PCED1B: variants seen among roughly 807,000 people sequenced by gnomAD.
PCED1B encodes PC-esterase domain-containing protein 1B.
For missense variants in PCED1B, 573 were observed against 573.9 expected, an observed-to-expected ratio of 1.00 and a Z score of 0.02; for synonymous variants, 251 against 246.1, an observed-to-expected ratio of 1.02 and a Z score of -0.19.
At chr12:47,194,839 A>G (rs886377387) in intron 2 of PCED1B, among the ~76,000 whole-genome samples, 11 of 152,204 alleles carry the variant, frequency 7.2e-5, no homozygotes, top group African/African-American at 2.7e-4. Context: ...AGTAAATGGC[A>G]TTGTTGTGTT....
At chr12:47,161,289 T>A (rs1941368524) in intron 2 of PCED1B, among the ~76,000 whole-genome samples, 1 of 152,234 alleles carries the variant, frequency 6.6e-6, no homozygotes, top group South Asian at 2.1e-4. Flanking sequence ...TTCTTTTGTA[T>A]GTGAATATCC....
chr12:47,143,268 G>T (rs1170002589), intron 2 of PCED1B, among the ~76,000 whole-genome samples: 2 of 152,050 alleles, frequency 1.3e-5, no homozygotes, highest in Non-Finnish European at 2.9e-5. Flanking sequence ...AATGATAAAA[G>T]GTAAGTTGTT....
intron 2 of PCED1B, among the ~76,000 whole-genome samples, chr12:47,176,036 A>G (rs1318494934): frequency 6.6e-6 from 1 of 151,462 alleles, no homozygotes; most frequent in Admixed American, 6.6e-5. Context: ...TGCTCCTTTT[A>G]ATACTGGCAT....
At chr12:47,228,038 C>CTTTT (rs35458566) in intron 3 of PCED1B, among the ~76,000 whole-genome samples, 3 of 143,486 alleles carry the variant, frequency 2.1e-5, no homozygotes, top group Admixed American at 6.9e-5. Flanking sequence ...TTTTCTTTTC[C>CTTTT]TTTTTTTTTT....
At chr12:47,194,580 A>G (rs561891837) in intron 2 of PCED1B, among the ~76,000 whole-genome samples, 49 of 152,336 alleles carry the variant, frequency 3.2e-4, no homozygotes, top group African/African-American at 8.4e-4. Context: ...AAAGAAAATC[A>G]ATCATTTTTG....
intron 3 of PCED1B, among the ~76,000 whole-genome samples, chr12:47,225,646 G>A (rs1943611951): frequency 6.6e-6 from 1 of 152,152 alleles, no homozygotes; most frequent in Non-Finnish European, 1.5e-5. Context: ...ATCTTGGAAA[G>A]TTCAAACTAT....
At chr12:47,147,271 C>A (rs1282346352) in intron 2 of PCED1B, among the ~76,000 whole-genome samples, 1 of 152,116 alleles carries the variant, frequency 6.6e-6, no homozygotes, top group Non-Finnish European at 1.5e-5. Flanking sequence ...CTTGCCTCGG[C>A]CTCCCAAAGT....
intron 2 of PCED1B, among the ~76,000 whole-genome samples, chr12:47,108,263 T>C (rs7960818): frequency 0.87 from 132,121 of 152,174 alleles, 57,878 homozygotes; most frequent in East Asian, 0.95. Context: ...GAAAGTAGCC[T>C]GAGTGCTGAT....
At chr12:47,124,307 A>G (rs1472672935) in intron 2 of PCED1B, among the ~76,000 whole-genome samples, 1 of 152,014 alleles carries the variant, frequency 6.6e-6, no homozygotes, top group Non-Finnish European at 1.5e-5. Flanking sequence ...TTCACTCAGC[A>G]TAATTACTTT....
intron 2 of PCED1B, among the ~76,000 whole-genome samples, chr12:47,188,607 C>CT (rs1942349911): frequency 6.6e-6 from 1 of 152,130 alleles, no homozygotes; most frequent in African/African-American, 2.4e-5. Context: ...CAATGTGTAC[C>CT]TGAACATCCA....
chr12:47,105,360 C>T (rs953139840), intron 2 of PCED1B, among the ~76,000 whole-genome samples: 2 of 152,038 alleles, frequency 1.3e-5, no homozygotes, highest in Non-Finnish European at 2.9e-5. Context: ...TAAAGCTGCT[C>T]AGAGAGACAC....
At chr12:47,219,028 C>CTATATA (rs1943391415) in intron 3 of PCED1B, among the ~76,000 whole-genome samples, 1 of 152,088 alleles carries the variant, frequency 6.6e-6, no homozygotes, top group African/African-American at 2.4e-5. Context: ...GTGATCCCAG[C>CTATATA]TATTCCGGAG....
intron 2 of PCED1B, among the ~76,000 whole-genome samples, chr12:47,127,518 G>T (rs1939940752): frequency 7.1e-6 from 1 of 141,744 alleles, no homozygotes; most frequent in Non-Finnish European, 1.5e-5. Context: ...ACAGGCATGT[G>T]CCACCCGGTT....
chr12:47,109,694 T>C (rs912329754), intron 2 of PCED1B, among the ~76,000 whole-genome samples: 2 of 152,170 alleles, frequency 1.3e-5, no homozygotes, highest in African/African-American at 4.8e-5. Flanking sequence ...CATTGAAAAC[T>C]AGTTATGTGC....
At chr12:47,105,168 C>T (rs946101658) in intron 2 of PCED1B, among the ~76,000 whole-genome samples, 1 of 152,058 alleles carries the variant, frequency 6.6e-6, no homozygotes, top group Non-Finnish European at 1.5e-5. Flanking sequence ...AGGGAAAGCT[C>T]CTATACAGAG....
At position 47,229,462 on chromosome 12, in the gene PCED1B, G is replaced by A. The variant is rs932663372; in HGVS notation, c.-57-5545G>A. On this transcript the variant is annotated intron_variant, in intron 3 of 3. Coordinates refer to ENST00000546455, the MANE Select transcript of PCED1B (RefSeq NM_138371.3). ...AATAAAAAACACTCAAAAGTGTTTC[G>A]GATTTCAGATTTTTGGGTGATTTCA... Among the ~76,000 whole-genome samples the A allele has an allele frequency of 1.1e-4, 17 of 151,688 alleles. 1 individual carries two copies. Among genetic ancestry groups the A allele is most frequent in the African/African-American group, 1.9e-4 (8 of 41,326 alleles).
In PCED1B at chr12:47,235,874, C is replaced by T. The variant is rs1253734992; in HGVS notation, c.811C>T (p.Pro271Ser). The T allele has an allele frequency of 1.3e-6, 2 of 1,583,792 alleles. No homozygotes were observed. The highest frequency in any genetic ancestry group is 3.7e-5 in the Admixed American group (2 of 54,324). ...PVGEWIKKKK[P>S]GPRVEGPPQA... is the part of the protein sequence containing the mutation. ...GGGCGAGTGGATCAAGAAGAAAAAA[C>T]CTGGCCCGAGAGTCGAAGGGCCGCC... Residue 271 changes from proline (P) to serine (S), a missense_variant, in exon 4 of 4, where the codon CCT (proline) becomes TCT (serine). Pro to Ser is a moderately conservative substitution (Grantham distance 74). Transcript: ENST00000546455.
At chr12:47,134,340 T>A (rs972901041) in intron 2 of PCED1B, among the ~76,000 whole-genome samples, 6 of 152,244 alleles carry the variant, frequency 3.9e-5, no homozygotes, top group African/African-American at 1.4e-4. Flanking sequence ...TCTTCTTTTC[T>A]TCCTTTTGTC....
intron 2 of PCED1B, among the ~76,000 whole-genome samples, chr12:47,153,182 T>C (rs1008661729): frequency 1.3e-5 from 2 of 151,078 alleles, no homozygotes; most frequent in Non-Finnish European, 3.0e-5. Context: ...ACCCTGTCTC[T>C]ACTGAAAATA....
Sources: allele counts gnomAD v4.1 joint callset (sites outside exome capture counted in the v4.1 genomes callset), GRCh38; gene constraint gnomAD v4.1.1; transcripts MANE v1.5; gene names NCBI Gene and HGNC (gene_info 2026-07-23, HGNC 2026-07-21).